The following PPCS variants were observed in gnomAD, a reference collection of about 807,000 sequenced individuals.
The protein encoded by PPCS is phosphopantothenate--cysteine ligase.
Under a neutral mutation model 24.6 loss-of-function variants are expected in PPCS, and 17 were observed. The observed-to-expected ratio is 0.69, with a 90% CI of 0.47 to 1.04. PPCS has a LOEUF of 1.04. PPCS is among the 50% of genes least tolerant of loss of function. PPCS has a pLI of 0.00. For missense variants in PPCS, 360 were observed against 402.8 expected, an observed-to-expected ratio of 0.89 and a Z score of 0.91; for synonymous variants, 190 against 168.3, an observed-to-expected ratio of 1.13 and a Z score of -1.00.
At chr1:42,457,669 A>G (rs914049920) in intron 2 of PPCS, 1 of 317,328 alleles carries the variant, frequency 3.2e-6, no homozygotes, top group African/African-American at 2.2e-5. Flanking sequence ...AAAGATGAGC[A>G]GAACCGAGCG....
chr1:42,456,498 AG>A, upstream of PPCS: 1 of 1,408,192 alleles, frequency 7.1e-7, no homozygotes, highest in Non-Finnish European at 9.3e-7. Context: ...CGCGTACACC[AG>A]GTAGGCGAGA....
chr1:42,461,315 C>G (rs546845395), downstream of PPCS, among the ~76,000 whole-genome samples: 55 of 152,226 alleles, frequency 3.6e-4, no homozygotes, highest in Admixed American at 1.2e-3. Flanking sequence ...CAAGACTGTT[C>G]TGGAAGCAGC....
In PPCS at chr1:42,460,017, T is replaced by A; in HGVS notation, c.*91T>A. The A allele has an allele frequency of 6.8e-7, 1 of 1,463,056 alleles. No individual in the cohort carries two copies. Among genetic ancestry groups the A allele is most frequent in the Non-Finnish European group, 9.0e-7 (1 of 1,113,622 alleles). The allele number at this position is 1,463,056 out of a possible 1,614,324, so 90.6% of individuals were successfully genotyped here. ...AAACCATGGCTTTCATATGGACAGATAAAATGAAAGAAAGGGAAAAGGCAG... is the reference window on the plus strand; with the variant it reads ...AAACCATGGCTTTCATATGGACAGAAAAAATGAAAGAAAGGGAAAAGGCAG... On this transcript the variant is annotated 3_prime_UTR_variant, in exon 3 of 3. Transcript: ENST00000372561.
At chr1:42,468,678 A>G (rs950180341) in intron 2 of PPCS, 13 of 152,352 alleles carry the variant, frequency 8.5e-5, no homozygotes, top group African/African-American at 2.9e-4. Flanking sequence ...GGAGCATAGC[A>G]GAGAGAGATT....
chr1:42,472,057 G>A (rs1009366670), intron 2 of PPCS, among the ~76,000 whole-genome samples: 3 of 151,878 alleles, frequency 2.0e-5, no homozygotes, highest in East Asian at 1.9e-4. Flanking sequence ...AGTTCGAGAC[G>A]AGCCTGACCA....
At position 42,460,681 on chromosome 1, in the gene PPCS, T is replaced by C. The variant is rs75806136; in HGVS notation, c.*755T>C. On this transcript the variant is annotated 3_prime_UTR_variant, in exon 3 of 3. Coordinates refer to ENST00000372561, the MANE Select transcript of PPCS (RefSeq NM_024664.4). ...GGATGCATTACAGTGTGGTAGAGTATGGGCTAGAAGTCAACTTAGCCAGCT... is the reference window on the plus strand; with the variant it reads ...GGATGCATTACAGTGTGGTAGAGTACGGGCTAGAAGTCAACTTAGCCAGCT... Among the ~76,000 whole-genome samples, 292 of 152,344 alleles carry C rather than the reference T, an allele frequency of 1.9e-3. 4 individuals are homozygous for C. Among genetic ancestry groups the C allele is most frequent in the African/African-American group, 4.5e-3 (186 of 41,580 alleles).
rs1643655038 is a variant in PPCS, at chr1:42,468,240, A to G, written n.378-4882A>G. Among the ~76,000 whole-genome samples, 3 of 152,182 alleles carry G rather than the reference A, an allele frequency of 2.0e-5. No homozygotes were observed. The South Asian group carries it at 6.2e-4, about 32-fold the overall frequency. On this transcript the variant is annotated intron_variant and non_coding_transcript_variant, in intron 2 of 2. Transcript: ENST00000471420. ...AAAGTCAAAAATAAAACAATCTATA[A>G]CTGGTGGGGCAGCACCTTGAAATGG...
In PPCS at chr1:42,460,108, T is replaced by C; in HGVS notation, c.*182T>C. ...GACACCTGATATGATGTCATTTTGA[T>C]TTTGAAATTGAACACTAGAACTGTT... On this transcript the variant is annotated 3_prime_UTR_variant, in exon 3 of 3. Coordinates refer to ENST00000372561, the MANE Select transcript of PPCS (RefSeq NM_024664.4). 7.3e-7 allele frequency: 1 copy of C among 1,361,952 alleles called. No homozygotes were observed. Among genetic ancestry groups the C allele is most frequent in the South Asian group, 2.0e-5 (1 of 49,768 alleles). The allele number at this position is 1,361,952 out of a possible 1,614,324, so 84.4% of individuals were successfully genotyped here.
At chr1:42,456,440 C>A (rs1030123500), upstream of PPCS, 1 of 1,012,578 alleles carries the variant, frequency 9.9e-7, no homozygotes, top group Non-Finnish European at 1.4e-6. Flanking sequence ...GAGATCGGGA[C>A]CTAGTGTCAA....
In PPCS at chr1:42,457,086, GGA is replaced by G. The variant is rs1643230544; in HGVS notation, c.508+15_508+16del. On this transcript the variant is annotated intron_variant, in intron 1 of 2. Transcript: ENST00000372561. The stretch of plus-strand genomic sequence containing the variant: ...CTCAATCCGCTAGGTGCGTGCCCTA[GGA>G]GTACCCCTTTTGCCTGGAAGCACAG... 1.3e-6 allele frequency: 2 copies of G among 1,583,950 alleles called. No individual in the cohort carries two copies. Among genetic ancestry groups the G allele is most frequent in the African/African-American group, 1.3e-5 (1 of 74,336 alleles).
At position 42,473,133 on chromosome 1, in the gene PPCS, G is replaced by T. The variant is rs1385481632; in HGVS notation, n.389G>T. 3.3e-6 allele frequency: 4 copies of T among 1,228,466 alleles called. No homozygotes were observed. In the East Asian group the frequency reaches 1.3e-4, roughly 39 times the overall value. 76.1% of individuals were successfully genotyped at this position (1,228,466 alleles called of 1,614,324 possible). On this transcript the variant is annotated non_coding_transcript_exon_variant, in exon 3 of 3. Transcript: ENST00000471420. ...TTTCTTCTATCAAGGGAAAAGTTCA[G>T]TTAGAAGACATACTTCACCATCTTG...
downstream of PPCS, among the ~76,000 whole-genome samples, chr1:42,465,445 A>G (rs570147306): frequency 3.4e-4 from 51 of 152,002 alleles, no homozygotes; most frequent in Middle Eastern, 3.4e-3. Context: ...GCCCACTGCA[A>G]CCTCCGCCTC....
Position 42,459,792 on chromosome 1 carries a change from T to C in PPCS, c.802T>C (p.Phe268Leu). 6.2e-7 allele frequency: 1 copy of C among 1,614,192 alleles called. No homozygotes were observed. The highest frequency in any genetic ancestry group is 8.5e-7 in the Non-Finnish European group (1 of 1,180,026). The change falls in exon 3 of 3, where the codon TTT becomes CTT. Residue 268 changes from phenylalanine (F) to leucine (L), a missense_variant. By Grantham distance (22) the Phe-to-Leu change is conservative. Transcript: ENST00000372561. ...CCTTGAGTCACGACAGTCCTTTGTG[T>C]TTATTGTAACCAAAGACTCGGAAAC... ...NILESRQSFVFIVTKDSETKL... is the reference protein window; with the variant it reads ...NILESRQSFVLIVTKDSETKL...
intron 2 of PPCS, 44 bp downstream of exon 2, chr1:42,457,394 A>G (rs1035942521): frequency 1.0e-5 from 16 of 1,534,858 alleles, no homozygotes; most frequent in Admixed American, 1.7e-5. Flanking sequence ...CATATAACCA[A>G]TCTTGGGTTA....
chr1:42,456,385 TCGC>T, upstream of PPCS: 1 of 722,538 alleles, frequency 1.4e-6, no homozygotes, highest in Non-Finnish European at 2.2e-6. Flanking sequence ...AGTGTCACTT[TCGC>T]TGGGCTCTGG....
intron 2 of PPCS, among the ~76,000 whole-genome samples, chr1:42,466,269 G>A (rs1256668316): frequency 6.6e-6 from 1 of 152,180 alleles, no homozygotes; most frequent in Non-Finnish European, 1.5e-5. Flanking sequence ...GGCAGGAGAT[G>A]TGCTATGGCG....
intron 2 of PPCS, among the ~76,000 whole-genome samples, chr1:42,471,640 T>G (rs1056157354): frequency 3.3e-5 from 5 of 152,010 alleles, no homozygotes; most frequent in African/African-American, 1.2e-4. Flanking sequence ...AAAGACCTTG[T>G]AGGGAGAAGG....
intron 2 of PPCS, among the ~76,000 whole-genome samples, chr1:42,470,553 C>G (rs1422558848): frequency 6.6e-6 from 1 of 152,198 alleles, no homozygotes; most frequent in African/African-American, 2.4e-5. Flanking sequence ...AAGGTGGAAA[C>G]AACTCCAATG....
At position 42,456,980 on chromosome 1, in the gene PPCS, G is replaced by T; in HGVS notation, c.415G>T (p.Ala139Ser). The part of the protein sequence containing the change: ...AEALRSYQEA[A>S]AAGTFLAVEF... ...GGCTCTGAGGAGCTACCAGGAGGCT[G>T]CGGCTGCAGGCACCTTCCTGGCAGT... The change falls in exon 1 of 3, where the codon GCG (alanine) becomes TCG (serine). Residue 139 changes from alanine to serine, a missense_variant. This residue lies in a region of PPCS where 244 missense variants were observed against 234.7 expected (regional missense o/e 1.04). Transcript: ENST00000372561. The T allele has an allele frequency of 6.2e-7, 1 of 1,603,046 alleles. No homozygotes were observed. Among genetic ancestry groups the T allele is most frequent in the African/African-American group, 1.3e-5 (1 of 75,078 alleles).
Sources: gnomAD v4.1 joint callset for allele counts (sites outside exome capture counted in the v4.1 genomes callset) on GRCh38, gnomAD v4.1.1 for gene constraint, gnomAD v4.1.1 regional missense constraint, MANE v1.5 for transcripts, NCBI Gene and HGNC (gene_info 2026-07-23, HGNC 2026-07-21) for gene names.